Variants in ZNF222 observed in about 807,000 individuals in gnomAD.
The protein encoded by ZNF222 is zinc finger protein 222.
In ZNF222, 8 loss-of-function variants were observed where a neutral mutation model predicts 11.6. The ratio of observed to expected loss-of-function variants is 0.69; its 90% CI spans 0.41 to 1.25. ZNF222 has a LOEUF of 1.25. ZNF222 is among the 50% of genes most tolerant of loss of function. The pLI, the probability that ZNF222 is intolerant of heterozygous loss-of-function variation, is 0.01. For synonymous variants in ZNF222, 171 were observed against 195.6 expected (o/e 0.87, Z 1.05); for missense variants, 483 against 576.1 (o/e 0.84, Z 1.65).
intron 1 of ZNF222, 37 bp from the exon 2 acceptor site, chr19:44,026,986 G>A: frequency 6.2e-7 from 1 of 1,612,860 alleles, no homozygotes; most frequent in Non-Finnish European, 8.5e-7. Flanking sequence ...ATAGTCTTTG[G>A]CCGTAAGATT....
At position 44,032,780 on chromosome 19, in the gene ZNF222, A is replaced by G. The variant is rs766137766; in HGVS notation, c.1226A>G (p.Tyr409Cys). Residue 409 changes from tyrosine (Y) to cysteine (C), a missense_variant, in exon 4 of 4, where the codon TAT becomes TGT. Physicochemically the swap from Tyr to Cys is radical, Grantham distance 194 (BLOSUM62 -2). Transcript: ENST00000391960. ...AGAACCCACACGGGAGAGAGATCTT[A>G]TAACTGTGATAACTGCGGGAAGAGC... ...HHRTHTGERS[Y>C]NCDNCGKSFR... 2 of 1,614,036 alleles carry G rather than the reference A, an allele frequency of 1.2e-6. No individual in the cohort carries two copies. The highest frequency in any genetic ancestry group is 1.3e-5 in the African/African-American group (1 of 74,926).
intron 3 of ZNF222, among the ~76,000 whole-genome samples, chr19:44,031,230 G>A (rs1266394479): frequency 6.6e-6 from 1 of 152,120 alleles, no homozygotes; most frequent in African/African-American, 2.4e-5. Context: ...AGCAACAAGT[G>A]AAATGTATAT....
rs1370174644 is a variant in ZNF222 at position 44,027,146 on chromosome 19, G to A, written c.166G>A (p.Val56Met). The A allele has an allele frequency of 1.1e-5, 17 of 1,613,942 alleles. No individual in the cohort carries two copies. Among genetic ancestry groups the A allele is most frequent in the Non-Finnish European group, 1.4e-5 (16 of 1,179,990 alleles). ...MLENFRNLLS[V>M]GHQPFHGDTF... ...TGAGAACTTCAGGAACCTGCTCTCA[G>A]TGGGTGAGGACGGGCACCCCCTGTA... Residue 56 changes from valine (V) to methionine (M), a missense_variant, in exon 2 of 4, where the codon GTG becomes ATG. Val to Met is a conservative substitution (Grantham distance 21). Transcript: ENST00000391960.
Position 44,031,993 on chromosome 19 carries a change from C to G in ZNF222, c.439C>G (p.Leu147Val), listed in dbSNP as rs1342483111. The change falls in exon 4 of 4, where the codon CTA becomes GTA. Residue 147 changes from leucine to valine, a missense_variant. Physicochemically the swap from Leu to Val is conservative, Grantham distance 32 (BLOSUM62 1). Transcript: ENST00000391960. ...DDNPSQIKAR[L>V]STVHTREKPF... ...CAACCCCTCCCAGATTAAAGCAAGA[C>G]TATCTACAGTTCACACAAGAGAAAA... is the stretch of plus-strand genomic sequence containing the variant. 2 of 1,614,216 alleles carry G rather than the reference C, an allele frequency of 1.2e-6. No individual in the cohort carries two copies. The highest frequency in any genetic ancestry group is 2.2e-5 in the South Asian group (2 of 91,090).
intron 1 of ZNF222, among the ~76,000 whole-genome samples, chr19:44,026,612 A>T (rs992793115): frequency 1.3e-5 from 2 of 148,524 alleles, no homozygotes; most frequent in African/African-American, 5.1e-5. Flanking sequence ...CAGTGGTGCA[A>T]TCTTGGCTCA....
chr19:44,026,778 T>C (rs1439140035), intron 1 of ZNF222, among the ~76,000 whole-genome samples: 1 of 152,150 alleles, frequency 6.6e-6, no homozygotes. Context: ...TCAGTAAATG[T>C]CCTTTACCCA....
In ZNF222 at chr19:44,032,644, T is replaced by G; in HGVS notation, c.1090T>G (p.Trp364Gly). The G allele has an allele frequency of 6.2e-7, 1 of 1,613,882 alleles. No individual in the cohort carries two copies. Among genetic ancestry groups the G allele is most frequent in the Non-Finnish European group, 8.5e-7 (1 of 1,179,964 alleles). The stretch of plus-strand genomic sequence containing the variant: ...TAAAGAATGTGGGAAGAGCTTCAAA[T>G]GGTCCTCATATCTTTTGGTCCATCA... ...NCKECGKSFK[W>G]SSYLLVHQRV... is the part of the protein sequence containing the mutation. The change falls in exon 4 of 4, where the codon TGG (tryptophan) becomes GGG (glycine). Residue 364 changes from tryptophan (W) to glycine (G), a missense_variant. Trp to Gly is a radical substitution (Grantham distance 184). Coordinates refer to ENST00000391960, the MANE Select transcript of ZNF222 (RefSeq NM_001129996.2).
rs1165494708 is a variant in ZNF222, at chr19:44,025,467, C to T, written c.31C>T (p.Arg11Trp). Residue 11 changes from arginine to tryptophan, a missense_variant, in exon 1 of 4, where the codon CGG becomes TGG. By Grantham distance (101) the Arg-to-Trp change is moderately radical. Transcript: ENST00000391960. This position sits in a 1 kb window ranked among gnomAD's most constrained non-coding sequence, Gnocchi z 4.6. ...CGATTCAGGAGAAAAGAAGCCTGGG[C>T]GGAGAGCAGAGGTTTGGAGGGGCGC... MIDSGEKKPG[R>W]RAEEAVTFKD... 1.3e-6 allele frequency: 2 copies of T among 1,550,304 alleles called. No individual in the cohort carries two copies. Among genetic ancestry groups the T allele is most frequent in the East Asian group, 2.4e-5 (1 of 40,870 alleles).
intron 3 of ZNF222, among the ~76,000 whole-genome samples, chr19:44,031,343 T>C (rs1435166767): frequency 6.6e-6 from 1 of 152,212 alleles, no homozygotes; most frequent in Non-Finnish European, 1.5e-5. Flanking sequence ...CAGGGTGCAC[T>C]TGGAAAACAG....
rs1364529196 is a variant in ZNF222, at chr19:44,029,186, G to GTTTTTTTTTTTTTTTTTTTTT, written c.262+1700_262+1701insTTTTTTTTTTTTTTTTTTTTT. ...TGCAGGACAGTTGTTGGTTTGTTTT[G>GTTTTTTTTTTTTTTTTTTTTT]TTTTGTTTTTTTTTTTTTTTTTTTT... On this transcript the variant is annotated intron_variant, in intron 3 of 3. Coordinates refer to ENST00000391960, the MANE Select transcript of ZNF222 (RefSeq NM_001129996.2). 3.1e-5 allele frequency among the ~76,000 whole-genome samples: 3 copies of GTTTTTTTTTTTTTTTTTTTTT among 97,852 alleles called. 1 individual carries two copies. The highest frequency in any genetic ancestry group is 1.3e-4 in the African/African-American group (3 of 23,404). 64.2% of individuals were successfully genotyped at this position (97,852 alleles called of 152,430 possible).
chr19:44,029,186 GTTTTGTTTTTTTT>G (rs1976445091), intron 3 of ZNF222, among the ~76,000 whole-genome samples: 1 of 97,850 alleles, frequency 1.0e-5, no homozygotes, highest in Non-Finnish European at 2.1e-5. Flanking sequence ...GGTTTGTTTT[GTTTTGTTTTTTTT>G]TTTTTTTTTT....
At position 44,033,046 on chromosome 19, in the gene ZNF222, G is replaced by A. The variant is rs933502926; in HGVS notation, c.*16G>A. On this transcript the variant is annotated 3_prime_UTR_variant, in exon 4 of 4. Coordinates refer to ENST00000391960, the MANE Select transcript of ZNF222 (RefSeq NM_001129996.2). ...TGACATATAAGTTATACATATTTATGGAGTGTGAAATTTGATACATGTATA... is the reference window on the plus strand; with the variant it reads ...TGACATATAAGTTATACATATTTATAGAGTGTGAAATTTGATACATGTATA... 1.3e-6 allele frequency: 2 copies of A among 1,483,594 alleles called. No individual in the cohort carries two copies. Among genetic ancestry groups the A allele is most frequent in the African/African-American group, 1.4e-5 (1 of 69,888 alleles). 91.9% of individuals were successfully genotyped at this position (1,483,594 alleles called of 1,614,324 possible).
intron 3 of ZNF222, among the ~76,000 whole-genome samples, chr19:44,029,181 G>GTTTGTTTTTTTTTTTTTTTTTTTTTTTT (rs1568503555): frequency 8.8e-6 from 1 of 113,714 alleles, no homozygotes; most frequent in Non-Finnish European, 1.9e-5. Context: ...TTGTTGGTTT[G>GTTTGTTTTTTTTTTTTTTTTTTTTTTTT]TTTTGTTTTG....
At chr19:44,029,541 CTTTATA>C (rs1976456286) in intron 3 of ZNF222, among the ~76,000 whole-genome samples, 1 of 151,940 alleles carries the variant, frequency 6.6e-6, no homozygotes, top group African/African-American at 2.4e-5. Context: ...TGAAATCTTT[CTTTATA>C]TTTATAGAGA....
chr19:44,030,662 G>T (rs1477904810), intron 3 of ZNF222, among the ~76,000 whole-genome samples: 1 of 152,168 alleles, frequency 6.6e-6, no homozygotes, highest in African/African-American at 2.4e-5. Flanking sequence ...ATGTTACATT[G>T]TCAGGATTAG....
In ZNF222 at chr19:44,027,168, T is replaced by G; in HGVS notation, c.169+19T>G. 1 of 1,613,342 alleles carries G rather than the reference T, an allele frequency of 6.2e-7. No homozygotes were observed. Among genetic ancestry groups the G allele is most frequent in the African/African-American group, 1.3e-5 (1 of 74,982 alleles). On this transcript the variant is annotated intron_variant, in intron 2 of 3. Transcript: ENST00000391960. ...TCAGTGGGTGAGGACGGGCACCCCC[T>G]GTAATGGAATGTCAGGCCCCAGGAG...
At chr19:44,029,180 TG>T (rs1568503548) in intron 3 of ZNF222, among the ~76,000 whole-genome samples, 53 of 129,184 alleles carry the variant, frequency 4.1e-4, no homozygotes, top group African/African-American at 1.5e-3. Context: ...GTTGTTGGTT[TG>T]TTTTGTTTTG....
chr19:44,025,821 G>T lies in ZNF222; in HGVS notation c.42+343G>T, dbSNP rs1256853417. On this transcript the variant is annotated intron_variant, in intron 1 of 3. Transcript: ENST00000391960. The surrounding 1 kb of genome is among the most constrained non-coding windows in gnomAD (Gnocchi z 4.6). ...GTCACTCGGTGTCTGGTGGTCTCTTGTTAATTTCCCACGAAGCCTGTCAGG... is the reference window on the plus strand; with the variant it reads ...GTCACTCGGTGTCTGGTGGTCTCTTTTTAATTTCCCACGAAGCCTGTCAGG... Among the ~76,000 whole-genome samples, 1 of 152,194 alleles carries T rather than the reference G, an allele frequency of 6.6e-6. No homozygotes were observed. Among genetic ancestry groups the T allele is most frequent in the Admixed American group, 6.5e-5 (1 of 15,280 alleles).
At chr19:44,029,997 A>G (rs1470899876) in intron 3 of ZNF222, among the ~76,000 whole-genome samples, 1 of 152,144 alleles carries the variant, frequency 6.6e-6, no homozygotes, top group African/African-American at 2.4e-5. Context: ...TTTTCATTCT[A>G]GTTCTTGTTT....
Sources: allele counts gnomAD v4.1 joint callset (sites outside exome capture counted in the v4.1 genomes callset), GRCh38; gene constraint gnomAD v4.1.1; non-coding constraint Gnocchi (gnomAD v3.1); transcripts MANE v1.5; gene names NCBI Gene and HGNC (gene_info 2026-07-23, HGNC 2026-07-21).